DENND4A: variants seen among roughly 807,000 people sequenced by gnomAD.
The protein encoded by DENND4A is C-myc promoter-binding protein.
A neutral mutation model predicts 199.3 loss-of-function variants in DENND4A; 70 were observed. The ratio of observed to expected loss-of-function variants is 0.35; its 90% CI spans 0.29 to 0.43. The LOEUF (loss-of-function observed/expected upper bound fraction) is 0.43. Ranked by LOEUF, DENND4A falls within the 20% of genes least tolerant of loss-of-function variation. The pLI is 1.00. For synonymous variants in DENND4A, 686 were observed against 766.9 expected (o/e 0.89, Z 1.74); for missense variants, 1,723 against 2,255.8 (o/e 0.76, Z 4.78).
At chr15:65,668,502 A>G (rs2141866602) in intron 27 of DENND4A, among the ~76,000 whole-genome samples, 1 of 151,766 alleles carries the variant, frequency 6.6e-6, no homozygotes, top group Admixed American at 6.6e-5. Flanking sequence ...GGCCACCACT[A>G]CCGGCCATGT....
At chr15:65,773,538 G>A (rs902451079) in intron 1 of DENND4A, among the ~76,000 whole-genome samples, 4 of 152,170 alleles carry the variant, frequency 2.6e-5, no homozygotes, top group African/African-American at 9.7e-5. Context: ...AGGTGATAGA[G>A]GAGAGATGGA....
chr15:65,689,700 T>C (rs926747838), intron 23 of DENND4A, among the ~76,000 whole-genome samples: 2 of 152,206 alleles, frequency 1.3e-5, no homozygotes, highest in African/African-American at 2.4e-5. Flanking sequence ...CTACTTACCC[T>C]TCTCATGCAG....
chr15:65,742,125 T>C (rs1393484056), intron 4 of DENND4A, among the ~76,000 whole-genome samples: 2 of 152,216 alleles, frequency 1.3e-5, no homozygotes, highest in Non-Finnish European at 2.9e-5. Flanking sequence ...AGTGCATACC[T>C]TTGACTCCAC....
chr15:65,734,753 A>C (rs1215288070), intron 7 of DENND4A, among the ~76,000 whole-genome samples: 1 of 152,228 alleles, frequency 6.6e-6, no homozygotes, highest in Non-Finnish European at 1.5e-5. Context: ...AAGATATTCA[A>C]GATCCATTCA....
chr15:65,757,968 C>T (rs1190093785), intron 2 of DENND4A, among the ~76,000 whole-genome samples: 6 of 151,628 alleles, frequency 4.0e-5, no homozygotes, highest in Non-Finnish European at 8.8e-5. Flanking sequence ...GCAACAAGAG[C>T]GAAACTCTAT....
chr15:65,721,050 C>T (rs1007640455), intron 12 of DENND4A, among the ~76,000 whole-genome samples: 2 of 137,872 alleles, frequency 1.5e-5, no homozygotes, highest in East Asian at 4.0e-4. Context: ...TGGACTCAAG[C>T]GATCTCCCTG....
chr15:65,724,257 C>T (rs1003428907), intron 11 of DENND4A, among the ~76,000 whole-genome samples: 1 of 152,044 alleles, frequency 6.6e-6, no homozygotes, highest in Non-Finnish European at 1.5e-5. Context: ...TGAGGTCTTG[C>T]TTCGTTGCCC....
rs201193866 is a variant in DENND4A, at chr15:65,667,638, A to C, written c.5052T>G (p.Pro1684=). 2 of 1,614,042 alleles carry C rather than the reference A, an allele frequency of 1.2e-6. No individual in the cohort carries two copies. The highest frequency in any genetic ancestry group is 1.7e-6 in the Non-Finnish European group (2 of 1,179,878). The stretch of plus-strand genomic sequence containing the variant: ...TTTCAAGTTCTTTCCATACCACTAA[A>C]GGACTAAGATACGGAACAGTGACAG... ...PDPVTVPYLS[P]LVVWKELESL... Residue 1684 remains proline, a synonymous_variant, in exon 29 of 33, where the codon CCT becomes CCG. Coordinates refer to ENST00000443035, the MANE Select transcript of DENND4A (RefSeq NM_001320835.1).
chr15:65,710,337 A>T (rs967359397), intron 14 of DENND4A, among the ~76,000 whole-genome samples: 2 of 152,208 alleles, frequency 1.3e-5, no homozygotes, highest in Non-Finnish European at 2.9e-5. Flanking sequence ...TCTGACAACC[A>T]ATTCAGTGTT....
At chr15:65,663,732 C>A (rs544338502) in intron 32 of DENND4A, among the ~76,000 whole-genome samples, 1 of 152,224 alleles carries the variant, frequency 6.6e-6, no homozygotes, top group Admixed American at 6.5e-5. Flanking sequence ...TCACTGCAGC[C>A]TCGACTGCCC....
At chr15:65,692,429 A>C (rs1382069075) in intron 22 of DENND4A, among the ~76,000 whole-genome samples, 1 of 152,186 alleles carries the variant, frequency 6.6e-6, no homozygotes, top group Non-Finnish European at 1.5e-5. Flanking sequence ...GGAGTCCTCT[A>C]AAGCATTAGT....
chr15:65,702,302 T>C lies in DENND4A; in HGVS notation c.2430+3A>G. 6.5e-7 allele frequency: 1 copy of C among 1,548,834 alleles called. No homozygotes were observed. Among genetic ancestry groups the C allele is most frequent in the Non-Finnish European group, 8.7e-7 (1 of 1,144,432 alleles). On this transcript the variant is annotated splice_donor_region_variant and intron_variant, in intron 17 of 32. Coordinates refer to ENST00000443035, the MANE Select transcript of DENND4A (RefSeq NM_001320835.1). ...AAAATAACAACAATAAAATAATTGT[T>C]ACCTCATCAGGTGGATCCATCTTCT...
At position 65,659,505 on chromosome 15, in the gene DENND4A, T is replaced by TA; in HGVS notation, c.*2345dup. 6.6e-6 allele frequency: 1 copy of TA among 151,542 alleles called. No individual in the cohort carries two copies. Among genetic ancestry groups the TA allele is most frequent in the Non-Finnish European group, 1.5e-5 (1 of 67,880 alleles). The allele number at this position is 151,542 out of a possible 1,614,324, so 9.4% of individuals were successfully genotyped here. ...CATGAGCCACCATACCGAGCAAATT[T>TA]AAAAAATTTTTTTGTAGAGACAGGG... On this transcript the variant is annotated 3_prime_UTR_variant, in exon 33 of 33. Coordinates refer to ENST00000443035, the MANE Select transcript of DENND4A (RefSeq NM_001320835.1).
At chr15:65,728,333 A>C (rs1349224974) in intron 11 of DENND4A, among the ~76,000 whole-genome samples, 1 of 152,142 alleles carries the variant, frequency 6.6e-6, no homozygotes, top group Admixed American at 6.5e-5. Flanking sequence ...GTATTATAAA[A>C]GACTAGAAAT....
chr15:65,717,719 G>C, intron 13 of DENND4A, 59 bp downstream of exon 13: 1 of 1,384,370 alleles, frequency 7.2e-7, no homozygotes, highest in Non-Finnish European at 9.8e-7. Flanking sequence ...GACAGCAAAT[G>C]AATCATCACA....
At chr15:65,744,547 C>T (rs2076338887) in intron 4 of DENND4A, among the ~76,000 whole-genome samples, 2 of 152,228 alleles carry the variant, frequency 1.3e-5, no homozygotes, top group East Asian at 3.9e-4. Flanking sequence ...AAGGCTCCCT[C>T]CACCCTGCCC....
intron 21 of DENND4A, 106 bp downstream of exon 21, chr15:65,697,161 A>C: frequency 1.5e-6 from 1 of 689,008 alleles, no homozygotes; most frequent in Middle Eastern, 4.1e-4. Flanking sequence ...AGAAAGAGTT[A>C]TAATGGAAAA....
chr15:65,729,554 C>T lies in DENND4A; in HGVS notation c.1291G>A (p.Val431Met), dbSNP rs1479699950. Residue 431 changes from valine to methionine, a missense_variant, in exon 10 of 33, where the codon GTG becomes ATG. Val to Met is a conservative substitution (Grantham distance 21). This residue lies in a region of DENND4A where 725 missense variants were observed against 952.9 expected (regional missense o/e 0.76). Transcript: ENST00000443035. ...CTCACAGACACTAATGCTTCTGTCA[C>T]ACTAGTAAGCACGGATGGCCGTAGG... ...HSLRPSVLTS[V>M]TEALVSMIFP... 1.9e-6 allele frequency: 3 copies of T among 1,608,966 alleles called. No homozygotes were observed. The highest frequency in any genetic ancestry group is 2.5e-6 in the Non-Finnish European group (3 of 1,177,542).
At chr15:65,783,275 G>A (rs530882774) in intron 1 of DENND4A, among the ~76,000 whole-genome samples, 2 of 152,296 alleles carry the variant, frequency 1.3e-5, no homozygotes, top group African/African-American at 4.8e-5. Flanking sequence ...GTACATGGAC[G>A]ATGGGACTGA....
Sources: allele counts gnomAD v4.1 joint callset (sites outside exome capture counted in the v4.1 genomes callset), GRCh38; gene constraint gnomAD v4.1.1; regional missense constraint gnomAD v4.1.1; transcripts MANE v1.5; gene names NCBI Gene and HGNC (gene_info 2026-07-23, HGNC 2026-07-21).